The following UHRF2 variants were observed in gnomAD, a reference collection of about 807,000 sequenced individuals.
UHRF2 encodes ubiquitin like with PHD and ring finger domains 2, also known as E3 ubiquitin-protein ligase UHRF2.
In UHRF2, 23 loss-of-function variants were observed where a neutral mutation model predicts 96.8. The observed-to-expected ratio is 0.24, with a 90% confidence interval of 0.17 to 0.34. UHRF2 has a LOEUF of 0.34. Ranked by LOEUF, UHRF2 falls within the 10% of genes least tolerant of loss-of-function variation. The probability of loss-of-function intolerance (pLI) is 1.00; values close to 1 mark genes in which losing one functional copy is unlikely to be tolerated. For synonymous variants in UHRF2, 385 were observed against 332.6 expected (o/e 1.16, Z -1.72); for missense variants, 685 against 981.5 (o/e 0.70, Z 4.04).
chr9:6,467,526 C>T (rs1822942754), intron 4 of UHRF2, among the ~76,000 whole-genome samples: 2 of 151,314 alleles, frequency 1.3e-5, no homozygotes, highest in East Asian at 1.9e-4. Context: ...CTGTTGTGTG[C>T]CAGGCCTTGT....
At chr9:6,483,595 C>T (rs1022632750) in intron 8 of UHRF2, among the ~76,000 whole-genome samples, 1 of 152,080 alleles carries the variant, frequency 6.6e-6, no homozygotes, top group African/African-American at 2.4e-5. Context: ...AACCTGTGGG[C>T]CAACTGTAAT....
chr9:6,503,144 G>A (rs1054620306), intron 14 of UHRF2, among the ~76,000 whole-genome samples: 2 of 151,916 alleles, frequency 1.3e-5, no homozygotes, highest in Admixed American at 6.6e-5. Context: ...GCAGGCACCC[G>A]CCACCACGCC....
Position 6,468,973 on chromosome 9 carries a change from A to G in UHRF2, c.864-6418A>G, listed in dbSNP as rs1006633890. On this transcript the variant is annotated intron_variant, in intron 4 of 15. Transcript: ENST00000276893. ...GATAATATCTGAAGCTTTTGGCTCC[A>G]TGACGGAGGCAAAAATGCCATTCTG... is the stretch of plus-strand genomic sequence containing the variant. Among the ~76,000 whole-genome samples the G allele has an allele frequency of 1.2e-3, 185 of 152,340 alleles. 1 individual carries two copies. The highest frequency in any genetic ancestry group is 4.3e-3 in the African/African-American group (180 of 41,576).
intron 4 of UHRF2, among the ~76,000 whole-genome samples, chr9:6,468,989 T>A (rs1231554618): frequency 6.6e-6 from 1 of 152,144 alleles, no homozygotes; most frequent in East Asian, 1.9e-4. Context: ...GAGGCAAAAA[T>A]GCCATTCTGC....
chr9:6,468,090 T>C (rs1344532984), intron 4 of UHRF2, among the ~76,000 whole-genome samples: 3 of 152,312 alleles, frequency 2.0e-5, no homozygotes, highest in South Asian at 2.1e-4. Flanking sequence ...CTGATTTCAG[T>C]CTAGTTTCTT....
chr9:6,474,265 A>C (rs1293436247), intron 4 of UHRF2, among the ~76,000 whole-genome samples: 2 of 152,228 alleles, frequency 1.3e-5, no homozygotes, highest in Non-Finnish European at 1.5e-5. Context: ...TTTTAAAGAA[A>C]AGGTGGAAGG....
intron 4 of UHRF2, among the ~76,000 whole-genome samples, chr9:6,474,149 C>G (rs938652754): frequency 6.6e-6 from 1 of 152,132 alleles, no homozygotes; most frequent in Non-Finnish European, 1.5e-5. Flanking sequence ...GTTGATATTC[C>G]TATGTCTTCT....
At chr9:6,468,084 T>C (rs1822988253) in intron 4 of UHRF2, among the ~76,000 whole-genome samples, 1 of 152,224 alleles carries the variant, frequency 6.6e-6, no homozygotes, top group African/African-American at 2.4e-5. Flanking sequence ...GACTGCCTGA[T>C]TTCAGTCTAG....
rs764758420 is a variant in UHRF2, at chr9:6,413,641, C to T, written c.151C>T (p.Gln51Ter). 6.3e-7 allele frequency: 1 copy of T among 1,579,230 alleles called. No homozygotes were observed. The highest frequency in any genetic ancestry group is 8.6e-7 in the Non-Finnish European group (1 of 1,165,932). ...ECQRLFYRGK[Q>*]LENGYTLFDY... ...CCAGCGCCTCTTCTACCGGGGCAAG[C>T]AGGTGAGGCGCGCCCGCCGCGCCCC... The change falls in exon 1 of 16, where the codon CAG becomes TAG. Residue 51 changes from glutamine to a stop codon, truncating the protein, a stop_gained and splice_region_variant. Transcript: ENST00000276893. LOFTEE classifies it high-confidence loss of function.
At chr9:6,492,282 C>A in intron 9 of UHRF2, 1 of 1,170,822 alleles carries the variant, frequency 8.5e-7, no homozygotes. Flanking sequence ...CTTTATGGCA[C>A]TCCCATAATA....
At chr9:6,433,421 ACT>A (rs993806830) in intron 2 of UHRF2, among the ~76,000 whole-genome samples, 3 of 149,620 alleles carry the variant, frequency 2.0e-5, no homozygotes, top group Admixed American at 6.6e-5. Flanking sequence ...GGTTCATTAG[ACT>A]CTTTTTTTTA....
At position 6,424,400 on chromosome 9, in the gene UHRF2, G is replaced by A. The variant is rs368592033; in HGVS notation, c.384+3258G>A. ...CAATTAAGAGAGAATTTTTAGCACT[G>A]AAAGCCAACTTGCCATTTTTTTCTA... On this transcript the variant is annotated intron_variant, in intron 2 of 15. Coordinates refer to ENST00000276893, the MANE Select transcript of UHRF2 (RefSeq NM_152896.3). Among the ~76,000 whole-genome samples the A allele has an allele frequency of 2.4e-4, 37 of 152,272 alleles. 1 individual carries two copies. The East Asian group carries it at 4.0e-3, about 17-fold the overall frequency.
At position 6,454,531 on chromosome 9, in the gene UHRF2, G is replaced by A. The variant is rs182253322; in HGVS notation, c.645-6042G>A. ...TATGTCAGAACTACGTGAACACAGA[G>A]TGGCTTTTCTTAGAGTTAAAACTGC... On this transcript the variant is annotated intron_variant, in intron 3 of 15. Transcript: ENST00000276893. Among the ~76,000 whole-genome samples the A allele has an allele frequency of 5.3e-5, 8 of 152,264 alleles. No homozygotes were observed. The East Asian group carries it at 1.3e-3, about 26-fold the overall frequency.
Position 6,497,998 on chromosome 9 carries a change from A to G in UHRF2, c.1768-20A>G, listed in dbSNP as rs201281173. On this transcript the variant is annotated intron_variant, in intron 11 of 15. Transcript: ENST00000276893. ...TCTAAATTTTAAATCTCAAACTGGC[A>G]CTGAAATATTGTGATTTAGGTGGTG... is the stretch of plus-strand genomic sequence containing the variant. 24 of 1,609,818 alleles carry G rather than the reference A, an allele frequency of 1.5e-5. No homozygotes were observed. In the African/African-American group the frequency reaches 3.1e-4, roughly 21 times the overall value.
At chr9:6,423,020 C>A (rs1820021218) in intron 2 of UHRF2, 1 of 191,710 alleles carries the variant, frequency 5.2e-6, no homozygotes, top group Admixed American at 6.1e-5. Flanking sequence ...ATCTTTGTAA[C>A]TTCCTAATTC....
At chr9:6,492,573 T>C (rs1824723162) in intron 9 of UHRF2, 1 of 159,628 alleles carries the variant, frequency 6.3e-6, no homozygotes. Flanking sequence ...ATTTGTGGCT[T>C]TTAATCCAAG....
In UHRF2 at chr9:6,499,899, C is replaced by G. The variant is rs1164631419; in HGVS notation, c.1973C>G (p.Pro658Arg). Residue 658 changes from proline to arginine, a missense_variant, in exon 13 of 16, where the codon CCC (proline) becomes CGC (arginine). Physicochemically the swap from Pro to Arg is moderately radical, Grantham distance 103. Around this residue, in one of 6 missense-constraint regions of UHRF2, gnomAD observed 99 missense variants for 73.5 expected, o/e 1.35. Coordinates refer to ENST00000276893, the MANE Select transcript of UHRF2 (RefSeq NM_152896.3). ...KKPKGQSKKQ[P>R]SGTTKRPISD... ...CCTAAAGGACAGTCAAAGAAGCAGC[C>G]CAGTGGAACCACAAAAAGGCCAATT... The G allele has an allele frequency of 1.2e-6, 2 of 1,612,126 alleles. No individual in the cohort carries two copies. Among genetic ancestry groups the G allele is most frequent in the Non-Finnish European group, 1.7e-6 (2 of 1,179,112 alleles).
intron 9 of UHRF2, among the ~76,000 whole-genome samples, chr9:6,490,603 G>A (rs1417771658): frequency 6.6e-6 from 1 of 152,176 alleles, no homozygotes; most frequent in Non-Finnish European, 1.5e-5. Flanking sequence ...ACTCCAGCCT[G>A]GATGACAAAG....
rs1033646823 is a variant in UHRF2 at position 6,468,327 on chromosome 9, T to C, written c.864-7064T>C. 4 of 409,314 alleles carry C rather than the reference T, an allele frequency of 9.8e-6. No individual in the cohort carries two copies. In the Admixed American group the frequency reaches 1.1e-4, roughly 11 times the overall value. The allele number at this position is 409,314 out of a possible 1,614,324, so 25.4% of individuals were successfully genotyped here. On this transcript the variant is annotated intron_variant, in intron 4 of 15. Coordinates refer to ENST00000276893, the MANE Select transcript of UHRF2 (RefSeq NM_152896.3). ...ACATTTATTGAATCACTTAAAGTAGTACATGGAAAGCACCTGTTTGCAGGT... is the reference window on the plus strand; with the variant it reads ...ACATTTATTGAATCACTTAAAGTAGCACATGGAAAGCACCTGTTTGCAGGT...
Sources: allele counts gnomAD v4.1 joint callset (sites outside exome capture counted in the v4.1 genomes callset), GRCh38; gene constraint gnomAD v4.1.1; regional missense constraint gnomAD v4.1.1; transcripts MANE v1.5; gene names NCBI Gene and HGNC (gene_info 2026-07-23, HGNC 2026-07-21).